The following C10orf105 variants were observed in gnomAD, a reference collection of about 807,000 sequenced individuals.
C10orf105 encodes the protein uncharacterized protein C10orf105.
In C10orf105, 2 loss-of-function variants were observed where a neutral mutation model predicts 0.6. The ratio of observed to expected loss-of-function variants is 3.18; its 90% confidence interval spans 1.30 to 10.01. The LOEUF (loss-of-function observed/expected upper bound fraction) is 10.01. C10orf105 is among the 30% of genes most tolerant of loss of function. The pLI, the probability that C10orf105 is intolerant of heterozygous loss-of-function variation, is 0.04. For missense variants in C10orf105, 209 were observed against 191.4 expected (o/e 1.09, Z -0.54); for synonymous variants, 95 against 82.4 (o/e 1.15, Z -0.83).
chr10:71,736,522 G>A (rs1337544515), intron 1 of C10orf105, among the ~76,000 whole-genome samples: 1 of 152,164 alleles, frequency 6.6e-6, no homozygotes, highest in Non-Finnish European at 1.5e-5. Context: ...CCTTCAGGGG[G>A]TAGGGGAGGG....
rs577026782 is a variant in C10orf105, at chr10:71,716,110, G to A, written c.228C>T (p.Pro76=). The A allele has an allele frequency of 1.3e-6, 2 of 1,544,664 alleles. No homozygotes were observed. The highest frequency in any genetic ancestry group is 2.7e-5 in the African/African-American group (2 of 72,998). Reference sequence around the variant, plus strand: ...GCTCACTGGGGCTCCCAGGGTGGTGGGGCATGCACTCGTGAGCCCTGCGGC... The same window carrying A: ...GCTCACTGGGGCTCCCAGGGTGGTGAGGCATGCACTCGTGAGCCCTGCGGC... ...PSRRRAHECM[P]HHPGSPSEPQ... is the part of the protein sequence containing the mutation. The change falls in exon 2 of 2, where the codon CCC becomes CCT. Residue 76 remains proline, a synonymous_variant. Transcript: ENST00000441508.
upstream of C10orf105, among the ~76,000 whole-genome samples, chr10:71,723,572 G>A (rs922898150): frequency 2.0e-5 from 3 of 152,212 alleles, no homozygotes; most frequent in Non-Finnish European, 4.4e-5. Flanking sequence ...CGAAGTGACC[G>A]TTACAGTGTA....
intron 1 of C10orf105, among the ~76,000 whole-genome samples, chr10:71,728,550 G>A (rs1030582210): frequency 6.6e-6 from 1 of 152,210 alleles, no homozygotes; most frequent in South Asian, 2.1e-4. Context: ...GCTGATCCCA[G>A]AGGCAGTGAC....
rs143024007 is a variant in C10orf105 at position 71,736,611 on chromosome 10, C to T, written c.-6+1117G>A. On this transcript the variant is annotated intron_variant, in intron 1 of 1. Coordinates refer to the C10orf105 transcript ENST00000398786. ...TAGGCCTGGGAACCTGTCCTCCTTCCTCACCCACTGAGGCCAACCCCCTTC... is the reference window on the plus strand; with the variant it reads ...TAGGCCTGGGAACCTGTCCTCCTTCTTCACCCACTGAGGCCAACCCCCTTC... Among the ~76,000 whole-genome samples, 5 of 152,272 alleles carry T rather than the reference C, an allele frequency of 3.3e-5. No individual in the cohort carries two copies. In the East Asian group the frequency reaches 9.7e-4, roughly 29 times the overall value.
intron 1 of C10orf105, among the ~76,000 whole-genome samples, chr10:71,718,192 C>G (rs6480548): frequency 0.12 from 17,623 of 152,206 alleles, 1,885 homozygotes; most frequent in East Asian, 0.28. Context: ...TGTCAGGTCA[C>G]GCTCAGAGAA....
intron 1 of C10orf105, among the ~76,000 whole-genome samples, chr10:71,736,517 AG>A (rs1187111462): frequency 6.6e-6 from 1 of 152,164 alleles, no homozygotes; most frequent in African/African-American, 2.4e-5. Flanking sequence ...TCAGGCCTTC[AG>A]GGGGTAGGGG....
In C10orf105 at chr10:71,712,458, G is replaced by T; in HGVS notation, c.*3478C>A. 1.7e-6 allele frequency: 1 copy of T among 576,592 alleles called. No individual in the cohort carries two copies. Among genetic ancestry groups the T allele is most frequent in the Non-Finnish European group, 3.1e-6 (1 of 322,894 alleles). The allele number at this position is 576,592 out of a possible 1,614,324, so 35.7% of individuals were successfully genotyped here. The stretch of plus-strand genomic sequence containing the variant: ...GCTGTGAGGACTGAATGGGTTAGAA[G>T]AATGGCTGGCACATGGTGTTATCTA... On this transcript the variant is annotated 3_prime_UTR_variant, in exon 2 of 2. Transcript: ENST00000441508.
At chr10:71,735,895 G>A (rs537570497) in intron 1 of C10orf105, among the ~76,000 whole-genome samples, 166 of 152,330 alleles carry the variant, frequency 1.1e-3, no homozygotes, top group African/African-American at 3.7e-3. Flanking sequence ...CTCGGGCAGT[G>A]GGTGCCGAGC....
chr10:71,725,394 G>A, intron 1 of C10orf105: 1 of 1,614,052 alleles, frequency 6.2e-7, no homozygotes, highest in Non-Finnish European at 8.5e-7. Context: ...ACAACTTCCG[G>A]ATCCATGTCA....
rs768067666 is a variant in C10orf105 at position 71,730,496 on chromosome 10, G to A, written c.-6+7232C>T. 11 of 1,613,782 alleles carry A rather than the reference G, an allele frequency of 6.8e-6. No homozygotes were observed. Among genetic ancestry groups the A allele is most frequent in the Admixed American group, 3.3e-5 (2 of 60,004 alleles). ...GATTGTGTACGTGGAGGACATCAAC[G>A]ATGAGGCCCCCGTGTTCACACAGCA... is the stretch of plus-strand genomic sequence containing the variant. On this transcript the variant is annotated intron_variant, in intron 1 of 1. Transcript: ENST00000398786.
chr10:71,716,688 G>T, intron 1 of C10orf105: 1 of 222,820 alleles, frequency 4.5e-6, no homozygotes, highest in Non-Finnish European at 8.7e-6. Context: ...GACCAACTCT[G>T]TCAATAACTT....
intron 1 of C10orf105, among the ~76,000 whole-genome samples, chr10:71,731,787 C>T (rs1839397055): frequency 2.0e-5 from 3 of 152,240 alleles, no homozygotes; most frequent in Admixed American, 2.0e-4. Flanking sequence ...GAAGGCTCAA[C>T]AGTGCATGCT....
At chr10:71,732,416 A>C in intron 1 of C10orf105, 1 of 1,550,904 alleles carries the variant, frequency 6.4e-7, no homozygotes, top group Non-Finnish European at 8.7e-7. Context: ...CTTCCAATCT[A>C]ACCAACATTG....
chr10:71,731,190 G>A (rs969139318), intron 1 of C10orf105, among the ~76,000 whole-genome samples: 2 of 152,360 alleles, frequency 1.3e-5, no homozygotes, highest in South Asian at 2.1e-4. Flanking sequence ...GGCCTGGGCT[G>A]TCTGGCCTGT....
rs80230554 is a variant in C10orf105 at position 71,731,524 on chromosome 10, G to A, written c.-6+6204C>T. On this transcript the variant is annotated intron_variant, in intron 1 of 1. Coordinates refer to the C10orf105 transcript ENST00000398786. ...TTGTTTCAAGGCACAGGAATTTGGG[G>A]CGTAGGGAGTGGGGAGGATGGGGGA... 3.3e-5 allele frequency among the ~76,000 whole-genome samples: 5 copies of A among 152,324 alleles called. No individual in the cohort carries two copies. In the East Asian group the frequency reaches 7.7e-4, roughly 23 times the overall value.
rs773489759 is a variant in C10orf105, at chr10:71,713,545, C to T, written c.*2391G>A. ...CCCTCCCTGCATCGGGACCAGGAGGCGGGCAGGAAAGGGCTGGGGAGCAGG... is the reference window on the plus strand; with the variant it reads ...CCCTCCCTGCATCGGGACCAGGAGGTGGGCAGGAAAGGGCTGGGGAGCAGG... On this transcript the variant is annotated 3_prime_UTR_variant, in exon 2 of 2. Coordinates refer to ENST00000441508, the MANE Select transcript of C10orf105 (RefSeq NM_001164375.3). The T allele has an allele frequency of 8.3e-6, 4 of 481,482 alleles. No individual in the cohort carries two copies. The highest frequency in any genetic ancestry group is 3.8e-5 in the East Asian group (1 of 26,626). 29.8% of individuals were successfully genotyped at this position (481,482 alleles called of 1,614,324 possible).
In C10orf105 at chr10:71,716,084, G is replaced by T; in HGVS notation, c.254C>A (p.Pro85His). The change falls in exon 2 of 2, where the codon CCC (proline) becomes CAC (histidine). Residue 85 changes from proline to histidine, a missense_variant. Pro to His is a moderately conservative substitution (Grantham distance 77). Coordinates refer to ENST00000441508, the MANE Select transcript of C10orf105 (RefSeq NM_001164375.3). ...MPHHPGSPSE[P>H]QLRLWKRLGS... ...CAGGCGCTTCCAGAGCCGGAGCTGG[G>T]GCTCACTGGGGCTCCCAGGGTGGTG... The T allele has an allele frequency of 6.5e-7, 1 of 1,527,312 alleles. No individual in the cohort carries two copies. Among genetic ancestry groups the T allele is most frequent in the Non-Finnish European group, 8.8e-7 (1 of 1,133,582 alleles). The allele number at this position is 1,527,312 out of a possible 1,614,324, so 94.6% of individuals were successfully genotyped here.
Position 71,715,992 on chromosome 10 carries a change from G to T in C10orf105, c.346C>A (p.Pro116Thr). 3 of 1,496,920 alleles carry T rather than the reference G, an allele frequency of 2.0e-6. No homozygotes were observed. Among genetic ancestry groups the T allele is most frequent in the Non-Finnish European group, 2.7e-6 (3 of 1,122,648 alleles). 92.7% of individuals were successfully genotyped at this position (1,496,920 alleles called of 1,614,324 possible). Residue 116 changes from proline (P) to threonine (T), a missense_variant, in exon 2 of 2, where the codon CCG (proline) becomes ACG (threonine). Physicochemically the swap from Pro to Thr is conservative, Grantham distance 38. Transcript: ENST00000441508. ...GRPTVPRQPL[P>T]GPEDNRSHCD... ...TGGCTGCGGTTGTCCTCGGGGCCCGGCAGGGGCTGTCGAGGGACGGTGGGC... is the reference window on the plus strand; with the variant it reads ...TGGCTGCGGTTGTCCTCGGGGCCCGTCAGGGGCTGTCGAGGGACGGTGGGC...
upstream of C10orf105, among the ~76,000 whole-genome samples, chr10:71,721,376 C>T (rs1486482894): frequency 6.6e-6 from 1 of 152,184 alleles, no homozygotes; most frequent in Non-Finnish European, 1.5e-5. Context: ...TGGCATCACT[C>T]ATGTTGACCT....
Sources: gnomAD v4.1 joint callset for allele counts (sites outside exome capture counted in the v4.1 genomes callset) on GRCh38, gnomAD v4.1.1 for gene constraint, MANE v1.5 for transcripts, NCBI Gene and HGNC (gene_info 2026-07-23, HGNC 2026-07-21) for gene names.